TENM3: variants seen among roughly 807,000 people sequenced by gnomAD.
TENM3 encodes the protein teneurin-3.
A neutral mutation model predicts 255.1 loss-of-function variants in TENM3; 63 were observed. The observed-to-expected ratio is 0.25, with a 90% CI of 0.20 to 0.30. TENM3 has a LOEUF of 0.30. Ranked by LOEUF, TENM3 falls within the 10% of genes least tolerant of loss-of-function variation. The pLI, the probability that TENM3 is intolerant of heterozygous loss-of-function variation, is 1.00. For synonymous variants in TENM3, 1,306 were observed against 1,322.3 expected (o/e 0.99, Z 0.27); for missense variants, 2,929 against 3,461.1 (o/e 0.85, Z 3.86).
At chr4:182,346,548 T>C in intron 2 of TENM3, 103 bp from the exon 3 acceptor site, 3 of 1,062,384 alleles carry the variant, frequency 2.8e-6, no homozygotes, top group Non-Finnish European at 4.0e-6. Flanking sequence ...CCTAAATGTT[T>C]GAGTGTTTAT....
At chr4:182,107,388 T>C in the TENM3 span, among the ~76,000 whole-genome samples, 1 of 152,194 alleles carries the variant, frequency 6.6e-6, no homozygotes, top group Non-Finnish European at 1.5e-5. Flanking sequence ...ACATGACTGC[T>C]GGGCTGAAAC....
intron 7 of TENM3, among the ~76,000 whole-genome samples, chr4:182,679,453 C>T (rs1755936617): frequency 1.3e-5 from 2 of 152,106 alleles, no homozygotes; most frequent in South Asian, 4.1e-4. Flanking sequence ...AAAAAATGGT[C>T]CCTGATGTTT....
At chr4:182,433,643 G>A (rs770669195) in intron 3 of TENM3, among the ~76,000 whole-genome samples, 28 of 152,190 alleles carry the variant, frequency 1.8e-4, no homozygotes, top group Non-Finnish European at 3.5e-4. Context: ...ATAGGCTGAG[G>A]AATGGGAGTT....
At chr4:181,688,333 T>A in the TENM3 span, among the ~76,000 whole-genome samples, 3 of 152,276 alleles carry the variant, frequency 2.0e-5, no homozygotes, top group South Asian at 6.2e-4. Flanking sequence ...TCCATTTCAG[T>A]TCTACTTAGT....
At chr4:181,893,795 C>A in the TENM3 span, among the ~76,000 whole-genome samples, 1 of 152,094 alleles carries the variant, frequency 6.6e-6, no homozygotes, top group African/African-American at 2.4e-5. Context: ...TTTAGCAACA[C>A]AAGACAGTCC....
intron 3 of TENM3, among the ~76,000 whole-genome samples, chr4:182,376,474 T>C (rs749711771): frequency 9.2e-5 from 14 of 152,246 alleles, no homozygotes; most frequent in Non-Finnish European, 1.8e-4. Flanking sequence ...TTTAAAGATA[T>C]TCATTCCAAG....
At chr4:182,225,104 A>G (rs1756068831) in intron 1 of TENM3, among the ~76,000 whole-genome samples, 2 of 151,920 alleles carry the variant, frequency 1.3e-5, no homozygotes. Context: ...TTTTTTCATC[A>G]GAAGGTGGTG....
intron 1 of TENM3, among the ~76,000 whole-genome samples, chr4:182,212,411 A>G (rs1755109794): frequency 6.6e-6 from 1 of 152,156 alleles, no homozygotes; most frequent in South Asian, 2.1e-4. Flanking sequence ...ACGCGCCTGG[A>G]GTCTCTGCAG....
At chr4:182,412,333 G>A (rs1430855673) in intron 3 of TENM3, among the ~76,000 whole-genome samples, 1 of 152,050 alleles carries the variant, frequency 6.6e-6, no homozygotes, top group Admixed American at 6.6e-5. Flanking sequence ...GTGAATGAAG[G>A]CAACCAAAAT....
the TENM3 span, among the ~76,000 whole-genome samples, chr4:181,581,984 C>T: frequency 6.6e-6 from 1 of 152,160 alleles, no homozygotes; most frequent in African/African-American, 2.4e-5. Context: ...CTGCCTGCCT[C>T]GGCCTCCCAA....
At chr4:181,589,068 A>G in the TENM3 span, among the ~76,000 whole-genome samples, 1 of 152,002 alleles carries the variant, frequency 6.6e-6, no homozygotes, top group South Asian at 2.1e-4. Flanking sequence ...AAACACTGAA[A>G]CAGACTCTAC....
chr4:182,275,443 C>T (rs1472032742), intron 1 of TENM3, among the ~76,000 whole-genome samples: 1 of 152,120 alleles, frequency 6.6e-6, no homozygotes, highest in Non-Finnish European at 1.5e-5. Flanking sequence ...TTGGCTTTCT[C>T]AACACCACCA....
the TENM3 span, among the ~76,000 whole-genome samples, chr4:182,013,916 TTA>T: frequency 6.7e-6 from 1 of 148,648 alleles, no homozygotes; most frequent in Non-Finnish European, 1.5e-5. Flanking sequence ...ATACTTTATA[TTA>T]TATATACATA....
intron 3 of TENM3, among the ~76,000 whole-genome samples, chr4:182,357,181 T>C (rs945652173): frequency 3.9e-5 from 6 of 152,024 alleles, no homozygotes; most frequent in African/African-American, 1.5e-4. Flanking sequence ...TAAACATACG[T>C]GTGCATGTGT....
At chr4:181,522,529 A>T in the TENM3 span, 1 of 316,122 alleles carries the variant, frequency 3.2e-6, no homozygotes, top group South Asian at 3.6e-5. Context: ...TTAGAAATGT[A>T]AGGATTTGAT....
chr4:181,948,976 T>C, the TENM3 span, among the ~76,000 whole-genome samples: 343 of 152,118 alleles, frequency 2.3e-3, 2 homozygotes, highest in African/African-American at 7.7e-3. Context: ...TGTCAATATG[T>C]GCACAGGACT....
chr4:182,787,683 C>T (rs1340733341), intron 24 of TENM3, among the ~76,000 whole-genome samples: 1 of 141,416 alleles, frequency 7.1e-6, no homozygotes, highest in African/African-American at 2.6e-5. Context: ...TGCAGTGAGC[C>T]GAGATCGCAC....
the TENM3 span, among the ~76,000 whole-genome samples, chr4:181,994,300 T>G: frequency 2.6e-5 from 4 of 151,974 alleles, no homozygotes; most frequent in Non-Finnish European, 4.4e-5. Context: ...GTTAAGGGAG[T>G]AAAAAATCAA....
chr4:182,100,191 C>T, the TENM3 span, among the ~76,000 whole-genome samples: 1 of 151,772 alleles, frequency 6.6e-6, no homozygotes. Flanking sequence ...GTTTGCAGAG[C>T]GTGGTGACAT....
Sources: allele counts gnomAD v4.1 joint callset (sites outside exome capture counted in the v4.1 genomes callset), GRCh38; gene constraint gnomAD v4.1.1; transcripts MANE v1.5; gene names NCBI Gene and HGNC (gene_info 2026-07-23, HGNC 2026-07-21).